LPAR1: variants seen among roughly 807,000 people sequenced by gnomAD.
LPAR1 encodes lysophosphatidic acid receptor 1.
LPAR1 carries 5 observed loss-of-function variants against 23.8 expected under a neutral mutation model. The ratio of observed to expected loss-of-function variants is 0.21; its 90% CI spans 0.11 to 0.44. The LOEUF (loss-of-function observed/expected upper bound fraction) is 0.44. Ranked by LOEUF, LPAR1 falls within the 20% of genes least tolerant of loss-of-function variation. The pLI is 0.99. For synonymous variants in LPAR1, 160 were observed against 164.7 expected (o/e 0.97, Z 0.22); for missense variants, 311 against 482.8 (o/e 0.64, Z 3.33).
intron 4 of LPAR1, among the ~76,000 whole-genome samples, chr9:110,964,851 C>T (rs1325363759): frequency 1.5e-5 from 2 of 129,372 alleles, no homozygotes; most frequent in Non-Finnish European, 3.2e-5. Flanking sequence ...AGACACCAAT[C>T]ACTTTTTTTT....
At chr9:110,914,019 C>A (rs1311070155) in intron 5 of LPAR1, among the ~76,000 whole-genome samples, 2 of 152,090 alleles carry the variant, frequency 1.3e-5, no homozygotes, top group African/African-American at 4.8e-5. Flanking sequence ...AAAGAAGTTC[C>A]CTCATTGCTT....
At chr9:110,918,110 G>T (rs1209461686) in intron 5 of LPAR1, among the ~76,000 whole-genome samples, 1 of 151,954 alleles carries the variant, frequency 6.6e-6, no homozygotes, top group Non-Finnish European at 1.5e-5. Context: ...TTGTAGAGAT[G>T]GGGTTTTTCC....
At chr9:111,022,833 G>A (rs932039673) in intron 2 of LPAR1, among the ~76,000 whole-genome samples, 3 of 151,834 alleles carry the variant, frequency 2.0e-5, no homozygotes, top group South Asian at 2.1e-4. Context: ...GGCGGATTAC[G>A]AGGTCAGGAG....
intron 5 of LPAR1, among the ~76,000 whole-genome samples, chr9:110,913,085 G>A (rs1029966967): frequency 2.0e-5 from 3 of 152,190 alleles, no homozygotes; most frequent in African/African-American, 7.2e-5. Context: ...GAAAGTAATT[G>A]ACTTGTCAAG....
intron 4 of LPAR1, among the ~76,000 whole-genome samples, chr9:110,956,668 G>A (rs141374206): frequency 2.9e-4 from 44 of 151,938 alleles, no homozygotes; most frequent in African/African-American, 9.9e-4. Context: ...ACAACTATAC[G>A]CTAGCAAACT....
chr9:110,982,413 G>C (rs2096686738), intron 2 of LPAR1, among the ~76,000 whole-genome samples: 1 of 152,142 alleles, frequency 6.6e-6, no homozygotes, highest in African/African-American at 2.4e-5. Flanking sequence ...ACTCATAAGT[G>C]GGAGTTGAAC....
In LPAR1 at chr9:110,923,532, G is replaced by A. The variant is rs577298054; in HGVS notation, c.793+17889C>T. ...AAGTGTTCTGAGCATGTTTAAGGTA[G>A]GATAGGCTAAGCTATGATGTTCCAA... On this transcript the variant is annotated intron_variant, in intron 5 of 5. Coordinates refer to ENST00000683809, the MANE Select transcript of LPAR1 (RefSeq NM_001351411.2). Among the ~76,000 whole-genome samples the A allele has an allele frequency of 2.6e-5, 4 of 152,274 alleles. No homozygotes were observed. In the East Asian group the frequency reaches 7.7e-4, roughly 29 times the overall value.
intron 5 of LPAR1, among the ~76,000 whole-genome samples, chr9:110,897,414 C>G (rs1166079743): frequency 6.6e-6 from 1 of 152,190 alleles, no homozygotes; most frequent in African/African-American, 2.4e-5. Flanking sequence ...AACCATAAGT[C>G]CAATAAACCT....
chr9:110,897,673 T>G (rs538745281), intron 5 of LPAR1, among the ~76,000 whole-genome samples: 1 of 152,202 alleles, frequency 6.6e-6, no homozygotes, highest in South Asian at 2.1e-4. Context: ...CTTACTAAGC[T>G]CCATCACTCT....
intron 2 of LPAR1, among the ~76,000 whole-genome samples, chr9:111,022,462 G>A: frequency 6.6e-6 from 1 of 151,976 alleles, no homozygotes; most frequent in East Asian, 1.9e-4. Context: ...TTTAAAAGAG[G>A]GTGGGGGGAA....
At chr9:110,912,705 C>A (rs1037683366) in intron 5 of LPAR1, among the ~76,000 whole-genome samples, 1 of 152,092 alleles carries the variant, frequency 6.6e-6, no homozygotes, top group Non-Finnish European at 1.5e-5. Flanking sequence ...CTGGAGACAG[C>A]GTCTCCATAT....
chr9:110,913,661 C>T (rs2092731192), intron 5 of LPAR1, among the ~76,000 whole-genome samples: 1 of 151,976 alleles, frequency 6.6e-6, no homozygotes, highest in Non-Finnish European at 1.5e-5. Flanking sequence ...ACAAAAAGCA[C>T]ATTCTGAATG....
chr9:111,015,645 A>G (rs2097429423), intron 2 of LPAR1, among the ~76,000 whole-genome samples: 1 of 152,204 alleles, frequency 6.6e-6, no homozygotes, highest in Non-Finnish European at 1.5e-5. Context: ...TCCACTGCAC[A>G]GCAGAGTGGC....
At chr9:110,901,779 C>A (rs1364040504) in intron 5 of LPAR1, among the ~76,000 whole-genome samples, 1 of 152,070 alleles carries the variant, frequency 6.6e-6, no homozygotes, top group Admixed American at 6.5e-5. Context: ...AGGTAGACTG[C>A]ATTTCAGTTT....
At chr9:111,001,243 ATTAT>A (rs1221976746) in intron 2 of LPAR1, among the ~76,000 whole-genome samples, 3 of 152,204 alleles carry the variant, frequency 2.0e-5, no homozygotes, top group African/African-American at 7.2e-5. Context: ...AATCAAAATG[ATTAT>A]TTAAATTCAA....
At chr9:110,886,772 C>A (rs918956134) in intron 5 of LPAR1, among the ~76,000 whole-genome samples, 1 of 151,928 alleles carries the variant, frequency 6.6e-6, no homozygotes, top group Non-Finnish European at 1.5e-5. Flanking sequence ...TGATAAATTG[C>A]AAAAGTTTTA....
intron 5 of LPAR1, among the ~76,000 whole-genome samples, chr9:110,903,882 C>CAAAAAAA (rs61456167): frequency 1.3e-5 from 1 of 77,226 alleles, no homozygotes; most frequent in East Asian, 3.7e-4. Flanking sequence ...AAGTGAATTG[C>CAAAAAAA]AAAAAAAAAA....
At chr9:110,967,443 C>T (rs1369313844) in intron 4 of LPAR1, among the ~76,000 whole-genome samples, 1 of 152,196 alleles carries the variant, frequency 6.6e-6, no homozygotes, top group African/African-American at 2.4e-5. Flanking sequence ...TAGTATTAGG[C>T]AGCCTTGATT....
chr9:111,035,328 C>CAAGTAG (rs2097873240), intron 2 of LPAR1, among the ~76,000 whole-genome samples: 4 of 152,114 alleles, frequency 2.6e-5, no homozygotes, highest in Non-Finnish European at 4.4e-5. Context: ...CTGAAGCCAT[C>CAAGTAG]CTCCCTCCTC....
Sources: gnomAD v4.1 joint callset for allele counts (sites outside exome capture counted in the v4.1 genomes callset) on GRCh38, gnomAD v4.1.1 for gene constraint, MANE v1.5 for transcripts, NCBI Gene and HGNC (gene_info 2026-07-23, HGNC 2026-07-21) for gene names.